Variants in EML5 observed in about 807,000 individuals in gnomAD.
EML5 encodes echinoderm microtubule-associated protein-like 5.
EML5 carries 120 observed loss-of-function variants against 250.0 expected under a neutral mutation model. The observed-to-expected ratio is 0.48, with a 90% CI of 0.41 to 0.56. The LOEUF is 0.56. Ranked by LOEUF, EML5 falls within the 20% of genes least tolerant of loss-of-function variation. The pLI is 0.00. For synonymous variants in EML5, 771 were observed against 806.5 expected (o/e 0.96, Z 0.75); for missense variants, 2,006 against 2,437.6 (o/e 0.82, Z 3.73).
At chr14:88,743,944 C>T in intron 4 of EML5, 79 bp downstream of exon 4, 1 of 901,600 alleles carries the variant, frequency 1.1e-6, no homozygotes, top group Non-Finnish European at 1.6e-6. Flanking sequence ...TGAAAGTAGG[C>T]TAAATTGTTA....
In EML5 at chr14:88,704,886, A is replaced by AT. The variant is rs1335612633; in HGVS notation, c.2024dup (p.Asn675LysfsTer2). Reference sequence around the variant, plus strand: ...CGTGAACAAAGTGTAATCGAATACTATTTCCTGGAGCCCGCTCTCTTCTTT... The same window carrying AT: ...CGTGAACAAAGTGTAATCGAATACTATTTTCCTGGAGCCCGCTCTCTTCTTT... On this transcript the variant is annotated frameshift_variant, in exon 13 of 44. Coordinates refer to ENST00000554922, the MANE Select transcript of EML5 (RefSeq NM_183387.3). LOFTEE classifies it high-confidence loss of function. The AT allele has an allele frequency of 6.2e-6, 10 of 1,612,790 alleles. No homozygotes were observed. The highest frequency in any genetic ancestry group is 2.7e-5 in the African/African-American group (2 of 74,832).
intron 40 of EML5, 49 bp downstream of exon 40, chr14:88,618,601 G>T: frequency 6.4e-7 from 1 of 1,565,980 alleles, no homozygotes; most frequent in Non-Finnish European, 8.6e-7. Flanking sequence ...AACACGAAAT[G>T]TAAAAGCAGA....
At chr14:88,654,132 C>CT (rs1378260978) in intron 27 of EML5, among the ~76,000 whole-genome samples, 5 of 152,154 alleles carry the variant, frequency 3.3e-5, no homozygotes, top group Non-Finnish European at 7.4e-5. Context: ...GTGATATCCT[C>CT]TTTAACATTT....
intron 7 of EML5, among the ~76,000 whole-genome samples, chr14:88,734,421 G>A (rs1000494459): frequency 2.0e-5 from 3 of 151,880 alleles, no homozygotes; most frequent in African/African-American, 7.3e-5. Flanking sequence ...TCTTGAAAGG[G>A]GTTAAAAATG....
At chr14:88,668,961 CCA>C (rs1484864024) in intron 21 of EML5, among the ~76,000 whole-genome samples, 1 of 151,590 alleles carries the variant, frequency 6.6e-6, no homozygotes, top group African/African-American at 2.4e-5. Flanking sequence ...GAATCCTGCA[CCA>C]GCAACTGAGG....
At chr14:88,781,063 T>C (rs545464287) in intron 1 of EML5, among the ~76,000 whole-genome samples, 2 of 152,218 alleles carry the variant, frequency 1.3e-5, no homozygotes, top group South Asian at 4.1e-4. Flanking sequence ...TTATAAAAGA[T>C]TCAGTTTCCC....
At chr14:88,783,738 G>A (rs1031843112) in intron 1 of EML5, among the ~76,000 whole-genome samples, 3 of 152,288 alleles carry the variant, frequency 2.0e-5, no homozygotes, top group Admixed American at 6.5e-5. Flanking sequence ...CCCATTTGCA[G>A]CACTGGACAG....
chr14:88,686,042 G>A (rs1442623947), intron 19 of EML5, among the ~76,000 whole-genome samples: 1 of 152,172 alleles, frequency 6.6e-6, no homozygotes, highest in East Asian at 1.9e-4. Context: ...ATACAGTGAG[G>A]AAAACAGACC....
At chr14:88,651,211 G>C (rs1418044321) in intron 27 of EML5, among the ~76,000 whole-genome samples, 1 of 147,104 alleles carries the variant, frequency 6.8e-6, no homozygotes, top group African/African-American at 2.5e-5. Context: ...TCTGCCACGG[G>C]GGCCAACAGA....
intron 7 of EML5, among the ~76,000 whole-genome samples, chr14:88,728,457 C>T (rs1360023427): frequency 6.6e-6 from 1 of 152,106 alleles, no homozygotes; most frequent in Non-Finnish European, 1.5e-5. Flanking sequence ...TTAACATACA[C>T]TTTGTGCATT....
At chr14:88,684,374 T>A (rs539807953) in intron 20 of EML5, among the ~76,000 whole-genome samples, 7 of 131,136 alleles carry the variant, frequency 5.3e-5, no homozygotes, top group Non-Finnish European at 9.5e-5. Flanking sequence ...GTTTCACCGT[T>A]TTAGCCGGGA....
intron 33 of EML5, among the ~76,000 whole-genome samples, chr14:88,629,854 A>G (rs2090328468): frequency 1.3e-5 from 2 of 152,066 alleles, no homozygotes; most frequent in African/African-American, 2.4e-5. Flanking sequence ...AGCTCCCTCC[A>G]GAAAATCAAT....
intron 17 of EML5, among the ~76,000 whole-genome samples, chr14:88,690,802 G>A (rs1274913778): frequency 1.3e-5 from 2 of 152,314 alleles, no homozygotes; most frequent in East Asian, 1.9e-4. Flanking sequence ...ATGTCCTTGA[G>A]TAGATGAGAG....
intron 42 of EML5, 192 bp from the exon 43 acceptor site, chr14:88,616,434 T>C: frequency 1.6e-6 from 1 of 626,150 alleles, no homozygotes; most frequent in Non-Finnish European, 2.8e-6. Flanking sequence ...GTCAGATGTC[T>C]CCAGGTACTC....
chr14:88,758,558 C>T (rs1312359598), intron 1 of EML5, among the ~76,000 whole-genome samples: 1 of 152,084 alleles, frequency 6.6e-6, no homozygotes. Flanking sequence ...AAAGCGTAAC[C>T]CTTAAACATT....
intron 25 of EML5, among the ~76,000 whole-genome samples, chr14:88,660,029 A>G (rs1220807402): frequency 6.6e-6 from 1 of 151,894 alleles, no homozygotes; most frequent in African/African-American, 2.4e-5. Context: ...TAATCCCACC[A>G]CTTTAGGATG....
intron 10 of EML5, among the ~76,000 whole-genome samples, chr14:88,710,563 C>T (rs1394467199): frequency 6.6e-6 from 1 of 152,138 alleles, no homozygotes; most frequent in Non-Finnish European, 1.5e-5. Context: ...TCAATTAATA[C>T]ATAATCTTTT....
chr14:88,684,560 T>C (rs540333744), intron 20 of EML5, among the ~76,000 whole-genome samples: 5 of 151,686 alleles, frequency 3.3e-5, no homozygotes, highest in African/African-American at 9.7e-5. Context: ...AACTTAAGAA[T>C]GGCCTAATGA....
intron 20 of EML5, among the ~76,000 whole-genome samples, chr14:88,684,175 G>A (rs1464608792): frequency 6.7e-6 from 1 of 149,512 alleles, no homozygotes; most frequent in African/African-American, 2.5e-5. Flanking sequence ...TGAACAATAT[G>A]CAATCAAAAT....
Sources: allele counts gnomAD v4.1 joint callset (sites outside exome capture counted in the v4.1 genomes callset), GRCh38; gene constraint gnomAD v4.1.1; transcripts MANE v1.5; gene names NCBI Gene and HGNC (gene_info 2026-07-23, HGNC 2026-07-21).